Variants in LPGAT1 observed in about 807,000 individuals in gnomAD.
LPGAT1 encodes acyl-CoA:lysophosphatidylglycerol acyltransferase 1.
Under a neutral mutation model 47.5 loss-of-function variants are expected in LPGAT1, and 11 were observed. The observed-to-expected ratio is 0.23, with a 90% confidence interval of 0.15 to 0.38. The LOEUF is 0.38. Among genes scored for constraint, LPGAT1 ranks in the 10% least tolerant of loss-of-function variants. The pLI is 1.00. For missense variants in LPGAT1, 293 were observed against 439.0 expected (o/e 0.67, Z 2.97); for synonymous variants, 138 against 144.2 (o/e 0.96, Z 0.31).
At chr1:211,807,912 T>C (rs1055665455) in intron 2 of LPGAT1, among the ~76,000 whole-genome samples, 4 of 152,144 alleles carry the variant, frequency 2.6e-5, no homozygotes, top group East Asian at 1.9e-4. Context: ...TCTCAACCTA[T>C]TCTGGCTTGG....
intron 6 of LPGAT1, among the ~76,000 whole-genome samples, chr1:211,758,735 T>C (rs1657567611): frequency 6.6e-6 from 1 of 152,130 alleles, no homozygotes; most frequent in African/African-American, 2.4e-5. Context: ...TATAATGTTC[T>C]AGTACAGTGA....
chr1:211,802,614 G>A (rs568127641), intron 2 of LPGAT1, among the ~76,000 whole-genome samples: 2 of 151,912 alleles, frequency 1.3e-5, no homozygotes, highest in South Asian at 4.2e-4. Context: ...TTCCAAACAC[G>A]AGATTTAAAA....
chr1:211,751,022 G>A lies in LPGAT1; in HGVS notation c.900C>T (p.Thr300=), dbSNP rs751597905. ...KDVPLETDDL[T]TWLYQRFVEK... ...CAACAAACCGCTGATAGAGCCAAGT[G>A]GTAAGGTCATCAGTCTCCAGGGGTA... The change falls in exon 7 of 8, where the codon ACC becomes ACT. Residue 300 remains threonine (T), a synonymous_variant. Coordinates refer to ENST00000366997, the MANE Select transcript of LPGAT1 (RefSeq NM_014873.3). 1 of 1,613,806 alleles carries A rather than the reference G, an allele frequency of 6.2e-7. No homozygotes were observed. Among genetic ancestry groups the A allele is most frequent in the South Asian group, 1.1e-5 (1 of 91,066 alleles).
At chr1:211,781,232 T>C (rs947584763) in intron 5 of LPGAT1, among the ~76,000 whole-genome samples, 1 of 152,228 alleles carries the variant, frequency 6.6e-6, no homozygotes, top group Non-Finnish European at 1.5e-5. Flanking sequence ...TAAACTACTC[T>C]GCTTTAGTTA....
chr1:211,824,541 C>A (rs1363845562), intron 2 of LPGAT1, among the ~76,000 whole-genome samples: 1 of 152,176 alleles, frequency 6.6e-6, no homozygotes, highest in African/African-American at 2.4e-5. Flanking sequence ...CCAGTGATAA[C>A]AGATTTAAAG....
chr1:211,788,226 T>A (rs1010501531), intron 3 of LPGAT1, among the ~76,000 whole-genome samples: 1 of 152,220 alleles, frequency 6.6e-6, no homozygotes, highest in East Asian at 1.9e-4. Context: ...ATTTACATAT[T>A]CTATTATGAA....
chr1:211,789,160 T>G (rs1326290952), intron 3 of LPGAT1, among the ~76,000 whole-genome samples: 2 of 152,196 alleles, frequency 1.3e-5, no homozygotes, highest in African/African-American at 4.8e-5. Context: ...ATGATTACAG[T>G]ACTATGTTTA....
intron 2 of LPGAT1, among the ~76,000 whole-genome samples, chr1:211,806,535 A>G (rs566821948): frequency 6.6e-6 from 1 of 152,286 alleles, no homozygotes; most frequent in African/African-American, 2.4e-5. Flanking sequence ...GATGGGATGG[A>G]GGAAGGGGGA....
chr1:211,830,422 C>A lies in LPGAT1; in HGVS notation c.-28+151G>T, dbSNP rs1660695623. ...GGGCGGATGCCCCGCGCCCCCGCCT[C>A]CTCCCCGGGGCCTACCGCGCCCTCG... is the stretch of plus-strand genomic sequence containing the variant. On this transcript the variant is annotated intron_variant, in intron 1 of 7. Transcript: ENST00000366997. The surrounding 1 kb of genome is among the most constrained non-coding windows in gnomAD (Gnocchi z 5.9). The A allele has an allele frequency of 2.3e-5, 27 of 1,175,934 alleles. No homozygotes were observed. Among genetic ancestry groups the A allele is most frequent in the Non-Finnish European group, 2.7e-5 (26 of 950,432 alleles). 72.8% of individuals were successfully genotyped at this position (1,175,934 alleles called of 1,614,324 possible). A position where few individuals can be genotyped will look rare whatever the true frequency, so the allele number is the denominator to read the frequency against.
chr1:211,793,464 GCT>G (rs1437443950), intron 2 of LPGAT1: 9 of 154,822 alleles, frequency 5.8e-5, no homozygotes, highest in Middle Eastern at 3.2e-3. Context: ...ACAGAGTCTA[GCT>G]CTGTCACCCA....
intron 6 of LPGAT1, among the ~76,000 whole-genome samples, chr1:211,766,543 T>C (rs80286344): frequency 0.031 from 4,655 of 152,308 alleles, 95 homozygotes; most frequent in South Asian, 0.11. Context: ...GCCTATTCTA[T>C]AATAAAGTGT....
At chr1:211,793,839 A>G (rs1157623860) in intron 2 of LPGAT1, among the ~76,000 whole-genome samples, 1 of 152,238 alleles carries the variant, frequency 6.6e-6, no homozygotes, top group Non-Finnish European at 1.5e-5. Context: ...CACAACTTAA[A>G]TGTTCACCAA....
intron 2 of LPGAT1, among the ~76,000 whole-genome samples, chr1:211,803,475 T>C (rs558391061): frequency 1.8e-4 from 27 of 152,212 alleles, no homozygotes; most frequent in African/African-American, 5.8e-4. Flanking sequence ...AAAGATGAAA[T>C]TGGCAGAGTA....
intron 6 of LPGAT1, among the ~76,000 whole-genome samples, chr1:211,762,034 T>A (rs1657719220): frequency 6.6e-6 from 1 of 152,232 alleles, no homozygotes; most frequent in African/African-American, 2.4e-5. Flanking sequence ...ACTTGTTGAC[T>A]CACATCAGAT....
At chr1:211,790,568 T>A (rs1235278718) in intron 3 of LPGAT1, among the ~76,000 whole-genome samples, 1 of 152,202 alleles carries the variant, frequency 6.6e-6, no homozygotes, top group African/African-American at 2.4e-5. Context: ...ATTCTGTTAC[T>A]CCTTTATGAA....
At chr1:211,764,481 A>G (rs938950733) in intron 6 of LPGAT1, among the ~76,000 whole-genome samples, 5 of 152,242 alleles carry the variant, frequency 3.3e-5, no homozygotes, top group Non-Finnish European at 7.3e-5. Context: ...AGAAATCCAG[A>G]AACTACTTGT....
Position 211,745,153 on chromosome 1 carries a change from GC to G in LPGAT1, c.*4745del, listed in dbSNP as rs1430728461. On this transcript the variant is annotated 3_prime_UTR_variant, in exon 8 of 8. Coordinates refer to ENST00000366997, the MANE Select transcript of LPGAT1 (RefSeq NM_014873.3). Reference sequence around the variant, plus strand: ...CATAAACCAGATCCACGTGTGACCAGCCCTTTACAAAAATTAATTACAGTTG... The same window carrying G: ...CATAAACCAGATCCACGTGTGACCAGCCTTTACAAAAATTAATTACAGTTG... 6.6e-6 allele frequency: 1 copy of G among 152,586 alleles called. No individual in the cohort carries two copies. Among genetic ancestry groups the G allele is most frequent in the Non-Finnish European group, 1.5e-5 (1 of 68,024 alleles). 9.5% of individuals were successfully genotyped at this position (152,586 alleles called of 1,614,324 possible). A position where few individuals can be genotyped will look rare whatever the true frequency, so the allele number is the denominator to read the frequency against.
chr1:211,806,340 AAAAAAAAGAATG>A (rs1011468881), intron 2 of LPGAT1, among the ~76,000 whole-genome samples: 5 of 152,128 alleles, frequency 3.3e-5, no homozygotes, highest in African/African-American at 1.2e-4. Context: ...CAGCAATAAA[AAAAAAAAGAATG>A]AAATCATGTC....
At chr1:211,802,477 G>GT (rs987946524) in intron 2 of LPGAT1, among the ~76,000 whole-genome samples, 42 of 151,908 alleles carry the variant, frequency 2.8e-4, no homozygotes, top group African/African-American at 8.7e-4. Flanking sequence ...CTATATTGAG[G>GT]TAAGAGATGA....
Sources: allele counts gnomAD v4.1 joint callset (sites outside exome capture counted in the v4.1 genomes callset), GRCh38; gene constraint gnomAD v4.1.1; non-coding constraint Gnocchi (gnomAD v3.1); transcripts MANE v1.5; gene names NCBI Gene and HGNC (gene_info 2026-07-23, HGNC 2026-07-21).